The following LRRC71 variants were observed in gnomAD, a reference collection of about 807,000 sequenced individuals.
The protein encoded by LRRC71 is leucine-rich repeat-containing protein 71.
Under a neutral mutation model 66.6 loss-of-function variants are expected in LRRC71, and 54 were observed. The observed-to-expected ratio is 0.81, with a 90% CI of 0.65 to 1.02. The LOEUF (loss-of-function observed/expected upper bound fraction) is 1.02. Ranked by LOEUF, LRRC71 falls within the 50% of genes least tolerant of loss-of-function variation. The pLI is 0.00. For synonymous variants in LRRC71, 323 were observed against 303.9 expected, an observed-to-expected ratio of 1.06 and a Z score of -0.65; for missense variants, 724 against 718.0, an observed-to-expected ratio of 1.01 and a Z score of -0.10.
Position 156,924,979 on chromosome 1 carries a change from T to A in LRRC71, c.557T>A (p.Phe186Tyr). ...VGLTDKTLTTFIELLPLCSST... is the reference protein window; with the variant it reads ...VGLTDKTLTTYIELLPLCSST... ...CTGACCGATAAGACCCTGACCACCT[T>A]CATCGAGCTCCTGCCTCTCTGTTCA... is the stretch of plus-strand genomic sequence containing the variant. The change falls in exon 5 of 15, where the codon TTC becomes TAC. Residue 186 changes from phenylalanine to tyrosine, a missense_variant. Transcript: ENST00000337428. 1 of 1,551,606 alleles carries A rather than the reference T, an allele frequency of 6.4e-7. No homozygotes were observed. The highest frequency in any genetic ancestry group is 8.7e-7 in the Non-Finnish European group (1 of 1,146,960).
chr1:156,934,957 A>ATATATATATTTATATATATATATATG (rs1186528042), downstream of LRRC71: 33 of 148,172 alleles, frequency 2.2e-4, no homozygotes, highest in African/African-American at 7.1e-4. Flanking sequence ...TTTATATATT[A>ATATATATATTTATATATATATATATG]TATATATATT....
intron 5 of LRRC71, among the ~76,000 whole-genome samples, chr1:156,926,111 C>T (rs138258960): frequency 6.6e-6 from 1 of 152,292 alleles, no homozygotes; most frequent in African/African-American, 2.4e-5. Context: ...AGAAAAGGAC[C>T]TCCATTCTTA....
chr1:156,932,528 C>T lies in LRRC71; in HGVS notation c.1546C>T (p.Leu516=), dbSNP rs1654535047. 2 of 1,613,886 alleles carry T rather than the reference C, an allele frequency of 1.2e-6. No homozygotes were observed. The highest frequency in any genetic ancestry group is 1.7e-6 in the Non-Finnish European group (2 of 1,179,900). ...KSASKGPVGL[L]WLSLAKNCFA... ...TGCATCCAAGGGTCCAGTGGGGCTGCTGTGGCTGTCCCTGGCTGTGAGTCC... is the reference window on the plus strand; with the variant it reads ...TGCATCCAAGGGTCCAGTGGGGCTGTTGTGGCTGTCCCTGGCTGTGAGTCC... The change falls in exon 14 of 15, where the codon CTG becomes TTG. Residue 516 remains leucine, a synonymous_variant. Transcript: ENST00000337428.
chr1:156,927,378 G>T (rs1329144622), intron 6 of LRRC71, 108 bp downstream of exon 6: 3 of 1,525,822 alleles, frequency 2.0e-6, no homozygotes, highest in Admixed American at 1.8e-5. Context: ...AAGGGCCCTC[G>T]ATTTCTGCCC....
intron 12 of LRRC71, 137 bp downstream of exon 12, chr1:156,930,754 G>C: frequency 1.3e-6 from 1 of 774,618 alleles, no homozygotes; most frequent in African/African-American, 1.7e-5. Flanking sequence ...CTTCAAATTT[G>C]TCCTCCACTC....
At chr1:156,925,594 GA>G (rs1452177347) in intron 5 of LRRC71, among the ~76,000 whole-genome samples, 2 of 152,234 alleles carry the variant, frequency 1.3e-5, no homozygotes, top group East Asian at 1.9e-4. Context: ...AGGGAATTGG[GA>G]AAGGGTGTAC....
intron 8 of LRRC71, 43 bp downstream of exon 8, chr1:156,927,859 AG>A (rs1350104294): frequency 1.9e-6 from 3 of 1,611,218 alleles, no homozygotes; most frequent in African/African-American, 1.3e-5. Context: ...GGGCGGGCCG[AG>A]GGAGCCGACC....
intron 9 of LRRC71, 130 bp downstream of exon 9, chr1:156,928,134 C>A: frequency 1.1e-6 from 1 of 903,956 alleles, no homozygotes; most frequent in Non-Finnish European, 1.7e-6. Context: ...ACTGTCTTTC[C>A]CTCCGATTTC....
chr1:156,940,484 G>A, the LRRC71 span: 22 of 1,484,710 alleles, frequency 1.5e-5, no homozygotes, highest in Non-Finnish European at 2.0e-5. Flanking sequence ...GTATGGGAGA[G>A]CCTATGGGCA....
intron 11 of LRRC71, 137 bp downstream of exon 11, chr1:156,929,866 C>T: frequency 1.4e-6 from 1 of 698,262 alleles, no homozygotes; most frequent in South Asian, 1.9e-5. Flanking sequence ...GCTTGATTTC[C>T]TTCTCACAGT....
At chr1:156,930,457 T>A in intron 11 of LRRC71, 72 bp from the exon 12 acceptor site, 1 of 1,391,556 alleles carries the variant, frequency 7.2e-7, no homozygotes, top group Non-Finnish European at 9.9e-7. Context: ...CACAGCCTGT[T>A]TTCTCTGGGG....
rs1249546704 is a variant in LRRC71 at position 156,924,940 on chromosome 1, T to G, written c.518T>G (p.Leu173Trp). 9 of 1,551,432 alleles carry G rather than the reference T, an allele frequency of 5.8e-6. No homozygotes were observed. The East Asian group carries it at 2.2e-4, about 38-fold the overall frequency. ...PPLTQLQAIN[L>W]WKVGLTDKTL... ...TCTGCACTTCCCGCCCACGACAGCTTGTGGAAGGTGGGGCTGACCGATAAG... is the reference window on the plus strand; with the variant it reads ...TCTGCACTTCCCGCCCACGACAGCTGGTGGAAGGTGGGGCTGACCGATAAG... The change falls in exon 5 of 15, where the codon TTG (leucine) becomes TGG (tryptophan). Residue 173 changes from leucine to tryptophan, a missense_variant and splice_region_variant. Leu to Trp is a moderately conservative substitution (Grantham distance 61, BLOSUM62 -2). Coordinates refer to ENST00000337428, the MANE Select transcript of LRRC71 (RefSeq NM_144702.3).
intron 1 of LRRC71, chr1:156,921,660 G>A: frequency 1.0e-6 from 1 of 984,230 alleles, no homozygotes; most frequent in South Asian, 4.7e-5. Flanking sequence ...TTCTGGAAGG[G>A]AAGACAAGAC....
downstream of LRRC71, chr1:156,937,312 G>A (rs1475014683): frequency 6.2e-7 from 1 of 1,613,998 alleles, no homozygotes; most frequent in East Asian, 2.2e-5. Flanking sequence ...CCACGTCCCT[G>A]AGGGCCAGGC....
At chr1:156,928,404 CTT>C (rs1653651507) in intron 9 of LRRC71, among the ~76,000 whole-genome samples, 2 of 133,426 alleles carry the variant, frequency 1.5e-5, no homozygotes, top group Non-Finnish European at 3.0e-5. Context: ...TCTTCTTCTT[CTT>C]CCTCTTATTC....
chr1:156,923,159 G>A (rs982392337), intron 1 of LRRC71, among the ~76,000 whole-genome samples: 1 of 152,134 alleles, frequency 6.6e-6, no homozygotes, highest in Non-Finnish European at 1.5e-5. Context: ...GTCCCTCCTG[G>A]CACAGCTCCT....
chr1:156,929,028 CCCT>C lies in LRRC71; in HGVS notation c.997-250_997-248del, dbSNP rs552624299. 4.8e-4 allele frequency among the ~76,000 whole-genome samples: 73 copies of C among 152,182 alleles called. No homozygotes were observed. The Middle Eastern group carries it at 0.01, about 21-fold the overall frequency. ...CTCAATAAAAGCTGTTATTTTTTCC[CCCT>C]CAATATAAGTCTGAGACCCTGCCTC... On this transcript the variant is annotated intron_variant, in intron 9 of 14. Coordinates refer to ENST00000337428, the MANE Select transcript of LRRC71 (RefSeq NM_144702.3).
chr1:156,931,836 A>G (rs1169758566), intron 12 of LRRC71, 80 bp from the exon 13 acceptor site: 7 of 1,123,992 alleles, frequency 6.2e-6, no homozygotes, highest in Non-Finnish European at 7.8e-6. Context: ...CAAAACATGT[A>G]TGTTGAATGA....
At chr1:156,935,642 T>G (rs1374128735), downstream of LRRC71, 1 of 215,164 alleles carries the variant, frequency 4.6e-6, no homozygotes, top group Non-Finnish European at 9.1e-6. Flanking sequence ...CACAGAAGCC[T>G]CCTCCTTTCA....
Sources: gnomAD v4.1 joint callset for allele counts (sites outside exome capture counted in the v4.1 genomes callset) on GRCh38, gnomAD v4.1.1 for gene constraint, MANE v1.5 for transcripts, NCBI Gene and HGNC (gene_info 2026-07-23, HGNC 2026-07-21) for gene names.